The following SLC6A20 variants were observed in gnomAD, a reference collection of about 807,000 sequenced individuals.
SLC6A20 encodes solute carrier family 6 member 20.
A neutral mutation model predicts 64.3 loss-of-function variants in SLC6A20; 73 were observed. That is an observed-to-expected ratio of 1.14 (90% confidence interval 0.94 to 1.38). SLC6A20 has a LOEUF of 1.38. Among genes scored for constraint, SLC6A20 ranks in the 40% most tolerant of loss-of-function variants. SLC6A20 has a pLI of 0.00. For synonymous variants in SLC6A20, 347 were observed against 329.6 expected, an observed-to-expected ratio of 1.05 and a Z score of -0.57; for missense variants, 725 against 772.8, an observed-to-expected ratio of 0.94 and a Z score of 0.73.
Position 45,796,437 on chromosome 3 carries a change from G to A in SLC6A20, c.-18C>T, listed in dbSNP as rs369373631. 2.4e-5 allele frequency: 39 copies of A among 1,605,282 alleles called. No homozygotes were observed. The highest frequency in any genetic ancestry group is 3.1e-5 in the Non-Finnish European group (37 of 1,176,366). ...TTCTCCATGGCCCCGGCCTCGGCGC[G>A]CTCGGCTCCGGCTCGGGGGTCCGGC... On this transcript the variant is annotated 5_prime_UTR_variant, in exon 1 of 11. Coordinates refer to ENST00000358525, the MANE Select transcript of SLC6A20 (RefSeq NM_020208.4).
chr3:45,759,843 G>A lies in SLC6A20; in HGVS notation c.1629+14C>T. 1 of 1,607,826 alleles carries A rather than the reference G, an allele frequency of 6.2e-7. No homozygotes were observed. Among genetic ancestry groups the A allele is most frequent in the South Asian group, 1.1e-5 (1 of 90,238 alleles). On this transcript the variant is annotated intron_variant, in intron 10 of 10. Coordinates refer to ENST00000358525, the MANE Select transcript of SLC6A20 (RefSeq NM_020208.4). Reference sequence around the variant, plus strand: ...ATGGGGGCCCAGCGCCAGCCCTACGGAGACAGTAGATACCTGGGAGGCGTC... The same window carrying A: ...ATGGGGGCCCAGCGCCAGCCCTACGAAGACAGTAGATACCTGGGAGGCGTC...
In SLC6A20 at chr3:45,755,711, G is replaced by C. The variant is rs1699528274; in HGVS notation, c.*3267C>G. 1 of 152,596 alleles carries C rather than the reference G, an allele frequency of 6.6e-6. No homozygotes were observed. The highest frequency in any genetic ancestry group is 1.5e-5 in the Non-Finnish European group (1 of 68,042). The allele number at this position is 152,596 out of a possible 1,614,324, so 9.5% of individuals were successfully genotyped here. A position where few individuals can be genotyped will look rare whatever the true frequency, so the allele number is the denominator to read the frequency against. On this transcript the variant is annotated 3_prime_UTR_variant, in exon 11 of 11. Transcript: ENST00000358525. ...ACTTTTGTGCAGTATCTAGGAAATG[G>C]CAAAGAACATTTTTTGAGACAGGAT...
chr3:45,766,694 C>T (rs756187040), intron 7 of SLC6A20, among the ~76,000 whole-genome samples: 4 of 152,086 alleles, frequency 2.6e-5, no homozygotes, highest in South Asian at 2.1e-4. Flanking sequence ...AGCCTTATAA[C>T]AAGAGGAAGA....
At chr3:45,783,067 T>A (rs758917488) in intron 1 of SLC6A20, among the ~76,000 whole-genome samples, 12 of 152,232 alleles carry the variant, frequency 7.9e-5, no homozygotes, top group Non-Finnish European at 1.6e-4. Context: ...GTGCTCCACA[T>A]GAGGTAGTGT....
chr3:45,767,768 G>A (rs377537603), intron 7 of SLC6A20, among the ~76,000 whole-genome samples: 8 of 152,146 alleles, frequency 5.3e-5, no homozygotes, highest in African/African-American at 9.7e-5. Flanking sequence ...GGCCAAAGAC[G>A]AAGAGAAGAT....
intron 1 of SLC6A20, among the ~76,000 whole-genome samples, chr3:45,785,653 TATTAG>T (rs1700159210): frequency 8.5e-6 from 1 of 117,320 alleles, no homozygotes; most frequent in African/African-American, 3.1e-5. Flanking sequence ...CTCTTCCCCC[TATTAG>T]TTCTGTCCCT....
intron 3 of SLC6A20, 86 bp from the exon 4 acceptor site, chr3:45,776,074 G>T: frequency 1.5e-6 from 2 of 1,300,694 alleles, no homozygotes; most frequent in East Asian, 2.3e-5. Context: ...GCCCTGAGCG[G>T]AGACTCTTGG....
intron 1 of SLC6A20, 28 bp from the exon 2 acceptor site, chr3:45,782,251 G>C (rs1456382708): frequency 1.3e-6 from 2 of 1,595,624 alleles, no homozygotes; most frequent in African/African-American, 2.7e-5. Flanking sequence ...TGAGAGCCAG[G>C]CCACCACCAA....
chr3:45,783,723 C>A (rs912941808), intron 1 of SLC6A20, among the ~76,000 whole-genome samples: 1 of 152,260 alleles, frequency 6.6e-6, no homozygotes, highest in Non-Finnish European at 1.5e-5. Flanking sequence ...GCATGAGCCG[C>A]TTGCATGGGT....
At position 45,771,345 on chromosome 3, in the gene SLC6A20, G is replaced by A; in HGVS notation, c.807C>T (p.Ser269=). 6.2e-7 allele frequency: 1 copy of A among 1,614,272 alleles called. No individual in the cohort carries two copies. Among genetic ancestry groups the A allele is most frequent in the East Asian group, 2.2e-5 (1 of 44,894 alleles). ...LIAFASYNEP[S]NNCQKHAIIV... Reference sequence around the variant, plus strand: ...TGATGGCGTGCTTCTGGCAGTTGTTGGATGGCTCATTGTAGCTGGCGAAGG... The same window carrying A: ...TGATGGCGTGCTTCTGGCAGTTGTTAGATGGCTCATTGTAGCTGGCGAAGG... The change falls in exon 6 of 11, where the codon TCC becomes TCT. Residue 269 remains serine (S), a synonymous_variant. Coordinates refer to ENST00000358525, the MANE Select transcript of SLC6A20 (RefSeq NM_020208.4).
At chr3:45,782,662 ACCAT>A (rs1179289036) in intron 1 of SLC6A20, among the ~76,000 whole-genome samples, 1 of 93,530 alleles carries the variant, frequency 1.1e-5, no homozygotes, top group Non-Finnish European at 2.2e-5. Flanking sequence ...CATCCATCCA[ACCAT>A]CCATCCATCC....
At chr3:45,760,437 G>A (rs1699651410) in intron 9 of SLC6A20, among the ~76,000 whole-genome samples, 1 of 148,046 alleles carries the variant, frequency 6.8e-6, no homozygotes, top group Admixed American at 6.8e-5. Flanking sequence ...GCCCGCCCCT[G>A]TCAATCAGTG....
Position 45,758,359 on chromosome 3 carries a change from A to C in SLC6A20, c.*619T>G. 8.4e-7 allele frequency: 1 copy of C among 1,186,238 alleles called. No individual in the cohort carries two copies. Among genetic ancestry groups the C allele is most frequent in the Non-Finnish European group, 1.1e-6 (1 of 905,170 alleles). The allele number at this position is 1,186,238 out of a possible 1,614,324, so 73.5% of individuals were successfully genotyped here. A position where few individuals can be genotyped will look rare whatever the true frequency, so the allele number is the denominator to read the frequency against. ...GTAGTTGGGGCAATTTTTTGTAGAGAGGTCTGGTCCTGGACCCACCGTCAG... is the reference window on the plus strand; with the variant it reads ...GTAGTTGGGGCAATTTTTTGTAGAGCGGTCTGGTCCTGGACCCACCGTCAG... On this transcript the variant is annotated 3_prime_UTR_variant, in exon 11 of 11. Coordinates refer to ENST00000358525, the MANE Select transcript of SLC6A20 (RefSeq NM_020208.4).
rs1699951564 is a variant in SLC6A20, at chr3:45,775,638, C to T, written c.582+123G>A. 6.8e-6 allele frequency: 6 copies of T among 883,818 alleles called. No individual in the cohort carries two copies. The Admixed American group carries it at 1.3e-4, about 19-fold the overall frequency. The allele number at this position is 883,818 out of a possible 1,614,324, so 54.7% of individuals were successfully genotyped here. ...TGTGCCCTCTGCCCTAACATAGCTG[C>T]TGCCTTTCCACTGCAGAGGGCACTC... On this transcript the variant is annotated intron_variant, in intron 4 of 10. Coordinates refer to ENST00000358525, the MANE Select transcript of SLC6A20 (RefSeq NM_020208.4).
chr3:45,779,806 C>T (rs112430325), intron 3 of SLC6A20, among the ~76,000 whole-genome samples: 23 of 152,376 alleles, frequency 1.5e-4, no homozygotes, highest in South Asian at 8.3e-4. Context: ...TTGCTTACAG[C>T]GTAAGGGGCC....
intron 3 of SLC6A20, among the ~76,000 whole-genome samples, chr3:45,778,435 G>A (rs1700010464): frequency 6.6e-6 from 1 of 152,162 alleles, no homozygotes; most frequent in Non-Finnish European, 1.5e-5. Context: ...CAAAGTAGAG[G>A]GACTAAGGGA....
intron 2 of SLC6A20, among the ~76,000 whole-genome samples, chr3:45,780,564 C>T (rs1193767572): frequency 1.3e-5 from 2 of 152,220 alleles, no homozygotes; most frequent in Non-Finnish European, 2.9e-5. Flanking sequence ...ATGCTCCCTC[C>T]TTGGCTCACC....
intron 3 of SLC6A20, among the ~76,000 whole-genome samples, chr3:45,779,339 G>C (rs892513848): frequency 1.3e-5 from 2 of 152,200 alleles, no homozygotes; most frequent in African/African-American, 4.8e-5. Flanking sequence ...TGTCCTGAAT[G>C]TACACCAGCT....
chr3:45,785,354 AG>A (rs1700153073), intron 1 of SLC6A20, among the ~76,000 whole-genome samples: 1 of 152,244 alleles, frequency 6.6e-6, no homozygotes, highest in South Asian at 2.1e-4. Context: ...TGGGAAAGGC[AG>A]ACCCACCCTT....
Sources: allele counts gnomAD v4.1 joint callset (sites outside exome capture counted in the v4.1 genomes callset), GRCh38; gene constraint gnomAD v4.1.1; transcripts MANE v1.5; gene names NCBI Gene and HGNC (gene_info 2026-07-23, HGNC 2026-07-21).